CBR4: variants seen among roughly 807,000 people sequenced by gnomAD.
CBR4 encodes the protein 3-oxoacyl-[acyl-carrier-protein] reductase.
In CBR4, 22 loss-of-function variants were observed where a neutral mutation model predicts 21.0. That is an observed-to-expected ratio of 1.05 (90% CI 0.75 to 1.50). CBR4 has a LOEUF of 1.50. Among genes scored for constraint, CBR4 ranks in the 40% most tolerant of loss-of-function variants. The pLI, the probability that CBR4 is intolerant of heterozygous loss-of-function variation, is 0.00. For missense variants in CBR4, 302 were observed against 286.3 expected (o/e 1.05, Z -0.40); for synonymous variants, 100 against 104.4 (o/e 0.96, Z 0.26).
intron 2 of CBR4, among the ~76,000 whole-genome samples, chr4:168,962,822 T>C (rs919978251): frequency 6.6e-6 from 1 of 151,638 alleles, no homozygotes. Flanking sequence ...AAGGAGCACA[T>C]AAAGGAAATC....
At chr4:168,909,330 T>TA (rs1010977147) in intron 2 of CBR4, among the ~76,000 whole-genome samples, 1 of 152,200 alleles carries the variant, frequency 6.6e-6, no homozygotes, top group Non-Finnish European at 1.5e-5. Context: ...TGCCACAAGT[T>TA]AAATTTCATA....
At chr4:168,937,991 C>A (rs1227353790) in intron 2 of CBR4, among the ~76,000 whole-genome samples, 2 of 152,166 alleles carry the variant, frequency 1.3e-5, no homozygotes, top group Non-Finnish European at 2.9e-5. Context: ...ACTCTCCACC[C>A]CAAATCAACA....
Position 169,002,740 on chromosome 4 carries a change from A to ATT in CBR4, c.401-537_401-536dup, listed in dbSNP as rs34433008. 2.7e-4 allele frequency among the ~76,000 whole-genome samples: 38 copies of ATT among 142,494 alleles called. No homozygotes were observed. The East Asian group carries it at 3.6e-3, about 13-fold the overall frequency. The allele number at this position is 142,494 out of a possible 152,430, so 93.5% of individuals were successfully genotyped here. ...CTTTATTGTGCTTTGCAGATATTGCATTTTTTTTTTTTTTTTTTAACAAAT... is the reference window on the plus strand; with the variant it reads ...CTTTATTGTGCTTTGCAGATATTGCATTTTTTTTTTTTTTTTTTTTAACAAAT... On this transcript the variant is annotated intron_variant, in intron 3 of 4. Coordinates refer to ENST00000306193, the MANE Select transcript of CBR4 (RefSeq NM_032783.5).
At chr4:168,897,685 G>A (rs1352871245) in intron 2 of CBR4, among the ~76,000 whole-genome samples, 1 of 152,066 alleles carries the variant, frequency 6.6e-6, no homozygotes, top group East Asian at 1.9e-4. Flanking sequence ...CTCCTGGCCA[G>A]AAGCAATCCT....
At chr4:168,973,570 C>T (rs1764278968) in intron 2 of CBR4, among the ~76,000 whole-genome samples, 1 of 152,230 alleles carries the variant, frequency 6.6e-6, no homozygotes, top group Non-Finnish European at 1.5e-5. Context: ...TCAGGTGATC[C>T]ACCTGCCTTG....
At chr4:168,924,551 T>C (rs974744602) in intron 2 of CBR4, 3 of 962,924 alleles carry the variant, frequency 3.1e-6, no homozygotes, top group Non-Finnish European at 4.9e-6. Flanking sequence ...ATGAAATCAA[T>C]CAAAGACAAA....
intron 2 of CBR4, among the ~76,000 whole-genome samples, chr4:168,958,615 A>C (rs1399755215): frequency 6.6e-6 from 1 of 152,186 alleles, no homozygotes; most frequent in Non-Finnish European, 1.5e-5. Flanking sequence ...TGTTAAGTTT[A>C]TGTTCAACTT....
chr4:168,956,789 G>A lies in CBR4; in HGVS notation n.169+45282C>T, dbSNP rs184034827. ...AAAGGATATAATTTGCCAAAAGCAC[G>A]ATTAGTTACAGAACTGGAACTTGAA... is the stretch of plus-strand genomic sequence containing the variant. On this transcript the variant is annotated intron_variant and non_coding_transcript_variant, in intron 2 of 3. Coordinates refer to the CBR4 transcript ENST00000509108. Among the ~76,000 whole-genome samples the A allele has an allele frequency of 7.9e-5, 12 of 152,158 alleles. No homozygotes were observed. The East Asian group carries it at 2.3e-3, about 29-fold the overall frequency.
chr4:168,998,337 C>T (rs1765302833), intron 4 of CBR4, among the ~76,000 whole-genome samples: 2 of 152,118 alleles, frequency 1.3e-5, no homozygotes, highest in African/African-American at 4.8e-5. Context: ...AAATGTCCAT[C>T]AAAAGGCAAC....
At chr4:168,995,036 G>T (rs887999537) in intron 4 of CBR4, among the ~76,000 whole-genome samples, 2 of 152,132 alleles carry the variant, frequency 1.3e-5, no homozygotes, top group Non-Finnish European at 2.9e-5. Flanking sequence ...TTACAGGCGT[G>T]AGCCACCATG....
rs962212436 is a variant in CBR4 at position 168,988,544 on chromosome 4, A to G, written c.*1606T>C. On this transcript the variant is annotated 3_prime_UTR_variant, in exon 5 of 5. Transcript: ENST00000306193. ...GACAGCATTAGAGAAACTATCTACT[A>G]TGTCTGAATAAGCTCCCCTACCTTA... 9.4e-5 allele frequency: 93 copies of G among 985,258 alleles called. No homozygotes were observed. In the African/African-American group the frequency reaches 1.5e-3, roughly 16 times the overall value. 61.0% of individuals were successfully genotyped at this position (985,258 alleles called of 1,614,324 possible).
At chr4:168,924,499 G>A in intron 2 of CBR4, 1 of 1,317,084 alleles carries the variant, frequency 7.6e-7, no homozygotes, top group Non-Finnish European at 1.1e-6. Flanking sequence ...TATATAGCAT[G>A]GAAATCTATG....
chr4:168,966,267 A>G (rs1432039529), intron 2 of CBR4, among the ~76,000 whole-genome samples: 1 of 150,462 alleles, frequency 6.6e-6, no homozygotes, highest in East Asian at 2.0e-4. Context: ...TAATCCTAGC[A>G]CTTTGGGAGG....
intron 2 of CBR4, among the ~76,000 whole-genome samples, chr4:168,936,462 A>C (rs1763115260): frequency 6.6e-6 from 1 of 152,174 alleles, no homozygotes; most frequent in South Asian, 2.1e-4. Flanking sequence ...TAGGCTTCAG[A>C]AGGTGGATAA....
intron 2 of CBR4, among the ~76,000 whole-genome samples, chr4:168,906,162 A>G (rs893080957): frequency 6.6e-6 from 1 of 152,144 alleles, no homozygotes; most frequent in Non-Finnish European, 1.5e-5. Context: ...AGGCTGGGGT[A>G]TATTATGGGA....
intron 2 of CBR4, among the ~76,000 whole-genome samples, chr4:168,902,369 T>A (rs1343582303): frequency 1.3e-5 from 2 of 152,114 alleles, no homozygotes; most frequent in African/African-American, 4.8e-5. Context: ...AGTCTGCAGG[T>A]GGGGTGATGT....
chr4:168,922,280 C>T (rs1279788202), intron 2 of CBR4, among the ~76,000 whole-genome samples: 2 of 151,988 alleles, frequency 1.3e-5, no homozygotes, highest in Non-Finnish European at 2.9e-5. Flanking sequence ...TTTGAGAAGC[C>T]TAAAAGGAAA....
chr4:168,972,089 A>G (rs1764229003), intron 2 of CBR4, among the ~76,000 whole-genome samples: 1 of 152,160 alleles, frequency 6.6e-6, no homozygotes, highest in Non-Finnish European at 1.5e-5. Flanking sequence ...GTCAAAGATC[A>G]GTTGGCTATT....
chr4:168,994,134 G>GCCCC (rs1578999592), intron 4 of CBR4, among the ~76,000 whole-genome samples: 1 of 152,208 alleles, frequency 6.6e-6, no homozygotes, highest in African/African-American at 2.4e-5. Context: ...CTGACAGCAA[G>GCCCC]CCAGTGATAA....
Sources: gnomAD v4.1 joint callset for allele counts (sites outside exome capture counted in the v4.1 genomes callset) on GRCh38, gnomAD v4.1.1 for gene constraint, MANE v1.5 for transcripts, NCBI Gene and HGNC (gene_info 2026-07-23, HGNC 2026-07-21) for gene names.